ADARB2: variants seen among roughly 807,000 people sequenced by gnomAD.
ADARB2 encodes the protein adenosine deaminase RNA specific B2 (inactive).
ADARB2 carries 25 observed loss-of-function variants against 62.2 expected under a neutral mutation model. The observed-to-expected ratio is 0.40, with a 90% CI of 0.29 to 0.56. The LOEUF is 0.56. Among genes scored for constraint, ADARB2 ranks in the 20% least tolerant of loss-of-function variants. ADARB2 has a pLI of 0.43. For synonymous variants in ADARB2, 572 were observed against 500.8 expected (o/e 1.14, Z -1.90); for missense variants, 1,071 against 1,077.4 (o/e 0.99, Z 0.08).
intron 1 of ADARB2, among the ~76,000 whole-genome samples, chr10:1,505,190 G>A (rs964802137): frequency 5.9e-5 from 9 of 151,336 alleles, no homozygotes; most frequent in South Asian, 2.1e-4. Context: ...CACAGGCACC[G>A]ACACACACAC....
At chr10:1,696,233 ATGTT>A (rs1834743820) in intron 1 of ADARB2, among the ~76,000 whole-genome samples, 2 of 151,804 alleles carry the variant, frequency 1.3e-5, no homozygotes, top group Non-Finnish European at 1.5e-5. Flanking sequence ...GCGTATATGC[ATGTT>A]TGTGTGTGCA....
chr10:1,597,397 T>C (rs1235939684), intron 1 of ADARB2, among the ~76,000 whole-genome samples: 4 of 152,108 alleles, frequency 2.6e-5, no homozygotes, highest in Non-Finnish European at 5.9e-5. Context: ...ATACCCAGAA[T>C]CTACAAGGAG....
chr10:1,306,042 T>C (rs1831624420), intron 3 of ADARB2, among the ~76,000 whole-genome samples: 2 of 152,142 alleles, frequency 1.3e-5, no homozygotes, highest in South Asian at 4.2e-4. Context: ...CAACATAGTG[T>C]TGGAAGTTCT....
chr10:1,687,710 C>T lies in ADARB2; in HGVS notation c.100+49341G>A, dbSNP rs189509056. 2.0e-3 allele frequency among the ~76,000 whole-genome samples: 305 copies of T among 152,110 alleles called. 3 individuals carry two copies. Among genetic ancestry groups the T allele is most frequent in the Non-Finnish European group, 2.4e-3 (162 of 67,990 alleles). On this transcript the variant is annotated intron_variant, in intron 1 of 9. Transcript: ENST00000381312. ...TTCCTGCCAAGAGTATAAAGACCCC[C>T]GGGTCCAAGGCTGGAGACAGCTCAG...
At chr10:1,462,573 CTG>C (rs1306118213) in intron 1 of ADARB2, among the ~76,000 whole-genome samples, 1 of 150,240 alleles carries the variant, frequency 6.7e-6, no homozygotes, top group Non-Finnish European at 1.5e-5. Flanking sequence ...GTGTATGTGC[CTG>C]TGTGTATGTA....
chr10:1,443,987 A>T (rs1409126529), intron 1 of ADARB2, among the ~76,000 whole-genome samples: 1 of 151,588 alleles, frequency 6.6e-6, no homozygotes, highest in Admixed American at 6.6e-5. Flanking sequence ...CCATCCACCC[A>T]CTCATTCATC....
chr10:1,566,103 AAAAAAAACT>A (rs1832860235), intron 1 of ADARB2, among the ~76,000 whole-genome samples: 5 of 129,622 alleles, frequency 3.9e-5, no homozygotes, highest in Non-Finnish European at 6.6e-5. Flanking sequence ...AAAAAAAAAA[AAAAAAAACT>A]CCCCTGTGTA....
chr10:1,439,542 C>T (rs57634584), intron 1 of ADARB2, among the ~76,000 whole-genome samples: 53 of 115,644 alleles, frequency 4.6e-4, no homozygotes, highest in African/African-American at 1.5e-3. Context: ...TCCTGAGTCT[C>T]CTCAGCAGAT....
chr10:1,405,012 G>C (rs572014508), intron 1 of ADARB2, among the ~76,000 whole-genome samples: 2 of 152,272 alleles, frequency 1.3e-5, no homozygotes, highest in East Asian at 1.9e-4. Flanking sequence ...TACAATTCCC[G>C]GCGCCTGCGT....
At chr10:1,627,127 G>A (rs895936532) in intron 1 of ADARB2, among the ~76,000 whole-genome samples, 11 of 152,062 alleles carry the variant, frequency 7.2e-5, no homozygotes, top group Admixed American at 2.6e-4. Flanking sequence ...CGGGCCCTCG[G>A]GTGAATCGTT....
intron 1 of ADARB2, among the ~76,000 whole-genome samples, chr10:1,594,735 G>A (rs1261710554): frequency 2.6e-5 from 4 of 152,212 alleles, no homozygotes; most frequent in Admixed American, 2.6e-4. Flanking sequence ...AAGAGCCTGT[G>A]CTGGAGGACG....
At chr10:1,217,390 G>A (rs559167834) in intron 6 of ADARB2, among the ~76,000 whole-genome samples, 5 of 152,314 alleles carry the variant, frequency 3.3e-5, no homozygotes, top group Admixed American at 3.3e-4. Flanking sequence ...ACCAACACCC[G>A]CCTCTGTTGC....
At chr10:1,585,788 A>C (rs1833167734) in intron 1 of ADARB2, among the ~76,000 whole-genome samples, 1 of 152,214 alleles carries the variant, frequency 6.6e-6, no homozygotes, top group Non-Finnish European at 1.5e-5. Context: ...TAATCTCAGC[A>C]CTTTGGGAGG....
rs147912425 is a variant in ADARB2 at position 1,651,747 on chromosome 10, C to A, written c.100+85304G>T. Among the ~76,000 whole-genome samples the A allele has an allele frequency of 1.8e-4, 27 of 152,186 alleles. 1 individual carries two copies. In the East Asian group the frequency reaches 5.2e-3, roughly 30 times the overall value. On this transcript the variant is annotated intron_variant, in intron 1 of 9. Coordinates refer to ENST00000381312, the MANE Select transcript of ADARB2 (RefSeq NM_018702.4). Reference sequence around the variant, plus strand: ...GCCTGAGCGTGGTGGGCGTGACTCTCGGGGGGAGCGGGGGCTGCCTGCTTA... The same window carrying A: ...GCCTGAGCGTGGTGGGCGTGACTCTAGGGGGGAGCGGGGGCTGCCTGCTTA...
intron 1 of ADARB2, among the ~76,000 whole-genome samples, chr10:1,714,899 C>T (rs374266738): frequency 3.9e-5 from 6 of 152,254 alleles, no homozygotes; most frequent in African/African-American, 9.6e-5. Flanking sequence ...ATGTGCACAA[C>T]GTGCAGGTTT....
intron 1 of ADARB2, among the ~76,000 whole-genome samples, chr10:1,479,435 C>G (rs1454268395): frequency 2.6e-5 from 4 of 152,188 alleles, no homozygotes; most frequent in African/African-American, 7.2e-5. Context: ...AGGGCCCGGA[C>G]AGCAGAGGCT....
intron 1 of ADARB2, among the ~76,000 whole-genome samples, chr10:1,616,179 G>A (rs1007561627): frequency 6.6e-6 from 1 of 152,222 alleles, no homozygotes; most frequent in African/African-American, 2.4e-5. Flanking sequence ...CACATAGGAA[G>A]GGCATTGATG....
chr10:1,452,206 C>T (rs1831049598), intron 1 of ADARB2, among the ~76,000 whole-genome samples: 2 of 152,164 alleles, frequency 1.3e-5, no homozygotes, highest in African/African-American at 4.8e-5. Flanking sequence ...AATTCAGTGG[C>T]ATGATGACAG....
At chr10:1,317,898 G>A (rs960149793) in intron 3 of ADARB2, among the ~76,000 whole-genome samples, 5 of 152,210 alleles carry the variant, frequency 3.3e-5, no homozygotes, top group South Asian at 2.1e-4. Context: ...TACCCATCCC[G>A]TCACTTCCCT....
Sources: gnomAD v4.1 joint callset for allele counts (sites outside exome capture counted in the v4.1 genomes callset) on GRCh38, gnomAD v4.1.1 for gene constraint, MANE v1.5 for transcripts, NCBI Gene and HGNC (gene_info 2026-07-23, HGNC 2026-07-21) for gene names.